HAUS6: variants seen among roughly 807,000 people sequenced by gnomAD.
HAUS6 encodes the protein HAUS augmin like complex subunit 6.
In HAUS6, 80 loss-of-function variants were observed where a neutral mutation model predicts 106.8. That is an observed-to-expected ratio of 0.75 (90% CI 0.63 to 0.90). The LOEUF is 0.90. Ranked by LOEUF, HAUS6 falls within the 40% of genes least tolerant of loss-of-function variation. The pLI is 0.00. For synonymous variants in HAUS6, 356 were observed against 379.1 expected (o/e 0.94, Z 0.71); for missense variants, 1,155 against 1,118.1 (o/e 1.03, Z -0.47).
Position 19,102,731 on chromosome 9 carries a change from C to G in HAUS6, c.-80G>C. ...GGAGGGCCCTCAAGATCCCTCCCTACGGTCAGCCTGAGGTCGCGGTGGTCC... is the reference window on the plus strand; with the variant it reads ...GGAGGGCCCTCAAGATCCCTCCCTAGGGTCAGCCTGAGGTCGCGGTGGTCC... On this transcript the variant is annotated 5_prime_UTR_variant, in exon 1 of 17. Coordinates refer to ENST00000380502, the MANE Select transcript of HAUS6 (RefSeq NM_017645.5). 3 of 1,438,854 alleles carry G rather than the reference C, an allele frequency of 2.1e-6. No homozygotes were observed. Among genetic ancestry groups the G allele is most frequent in the Non-Finnish European group, 2.8e-6 (3 of 1,057,760 alleles). 89.1% of individuals were successfully genotyped at this position (1,438,854 alleles called of 1,614,324 possible).
At chr9:19,070,474 AAAGT>A (rs1439585848) in intron 11 of HAUS6, among the ~76,000 whole-genome samples, 174 bp from the exon 12 acceptor site, 3 of 152,246 alleles carry the variant, frequency 2.0e-5, no homozygotes, top group Admixed American at 1.3e-4. Context: ...GATGAGCAGA[AAAGT>A]AATAGAGAAC....
At chr9:19,092,700 G>C (rs769450053) in intron 4 of HAUS6, among the ~76,000 whole-genome samples, 1 of 149,532 alleles carries the variant, frequency 6.7e-6, no homozygotes, top group South Asian at 2.1e-4. Flanking sequence ...CAGGTGGGCA[G>C]ATAATCTGAG....
chr9:19,092,381 C>G (rs542051385), intron 4 of HAUS6, among the ~76,000 whole-genome samples: 1 of 151,606 alleles, frequency 6.6e-6, no homozygotes, highest in Admixed American at 6.6e-5. Flanking sequence ...TTTGGGAGGC[C>G]GAGGCAGGCG....
intron 12 of HAUS6, among the ~76,000 whole-genome samples, chr9:19,067,596 T>G (rs185453231): frequency 6.6e-6 from 1 of 152,338 alleles, no homozygotes; most frequent in African/African-American, 2.4e-5. Context: ...TTTCCTATAT[T>G]AAGAGTTTCC....
chr9:19,071,158 A>T (rs1288376544), intron 11 of HAUS6, among the ~76,000 whole-genome samples: 3 of 152,228 alleles, frequency 2.0e-5, no homozygotes, highest in Admixed American at 1.3e-4. Flanking sequence ...TACAGAAAAG[A>T]AGTAAGGATT....
rs149871558 is a variant in HAUS6 at position 19,089,425 on chromosome 9, G to T, written c.571C>A (p.Gln191Lys). ...GGTACTACTTACTGTGCATTTTCCT[G>T]ATATTTTTGGGTAACACAATCTTGT... is the stretch of plus-strand genomic sequence containing the variant. ...QRQDCVTQKYQENAQLSVKQV... is the reference protein window; with the variant it reads ...QRQDCVTQKYKENAQLSVKQV... The change falls in exon 5 of 17, where the codon CAG becomes AAG. Residue 191 changes from glutamine (Q) to lysine (K), a missense_variant. By Grantham distance (53) the Gln-to-Lys change is moderately conservative. This residue lies in a region of HAUS6 where 761 missense variants were observed against 690.0 expected (regional missense o/e 1.10). Coordinates refer to ENST00000380502, the MANE Select transcript of HAUS6 (RefSeq NM_017645.5). 2.5e-6 allele frequency: 4 copies of T among 1,607,464 alleles called. No individual in the cohort carries two copies. The African/African-American group carries it at 5.3e-5, about 21-fold the overall frequency.
At chr9:19,070,179 T>G (rs1330178639) in intron 12 of HAUS6, 40 bp downstream of exon 12, 1 of 1,097,814 alleles carries the variant, frequency 9.1e-7, no homozygotes, top group African/African-American at 1.6e-5. Flanking sequence ...AAAATAAGAG[T>G]TTTTTAATGT....
At chr9:19,091,986 T>C (rs1233383841) in intron 4 of HAUS6, among the ~76,000 whole-genome samples, 2 of 152,020 alleles carry the variant, frequency 1.3e-5, no homozygotes, top group Admixed American at 6.6e-5. Context: ...TTTTTTTAAG[T>C]ACAAATTGCT....
At chr9:19,060,292 A>T in intron 14 of HAUS6, 69 bp from the exon 15 acceptor site, 1 of 1,208,796 alleles carries the variant, frequency 8.3e-7, no homozygotes, top group South Asian at 1.7e-5. Flanking sequence ...AAAACCCCTG[A>T]TAAGGATAAT....
chr9:19,077,350 C>A (rs968141539), intron 10 of HAUS6, among the ~76,000 whole-genome samples: 1 of 152,004 alleles, frequency 6.6e-6, no homozygotes, highest in African/African-American at 2.4e-5. Context: ...GCCTGGCCAA[C>A]GTGGTAAAAC....
intron 14 of HAUS6, among the ~76,000 whole-genome samples, chr9:19,062,559 A>T (rs573812048): frequency 6.6e-6 from 1 of 152,226 alleles, no homozygotes; most frequent in Non-Finnish European, 1.5e-5. Flanking sequence ...TGCTTTAACC[A>T]TAATTTTTAT....
intron 13 of HAUS6, 104 bp downstream of exon 13, chr9:19,063,410 A>C (rs1054519055): frequency 2.9e-6 from 2 of 678,530 alleles, no homozygotes; most frequent in African/African-American, 1.8e-5. Flanking sequence ...ATAGTAGAAA[A>C]TGTGAAATTA....
At position 19,100,903 on chromosome 9, in the gene HAUS6, G is replaced by A. The variant is rs535010363; in HGVS notation, c.128+1621C>T. Reference sequence around the variant, plus strand: ...AAAAAGTGGACCTCATGGAGGTAGGGAGTAGAATGGTGGTTAACACAGTCT... The same window carrying A: ...AAAAAGTGGACCTCATGGAGGTAGGAAGTAGAATGGTGGTTAACACAGTCT... On this transcript the variant is annotated intron_variant, in intron 1 of 16. Transcript: ENST00000380502. Among the ~76,000 whole-genome samples the A allele has an allele frequency of 2.0e-5, 3 of 152,294 alleles. No homozygotes were observed. The South Asian group carries it at 6.2e-4, about 32-fold the overall frequency.
intron 9 of HAUS6, among the ~76,000 whole-genome samples, chr9:19,079,673 C>T (rs982063966): frequency 6.6e-6 from 1 of 152,140 alleles, no homozygotes; most frequent in Non-Finnish European, 1.5e-5. Context: ...AAGGCTGAGG[C>T]AGGCGGATCA....
chr9:19,077,095 C>T (rs72696470), intron 10 of HAUS6, among the ~76,000 whole-genome samples: 5,288 of 152,246 alleles, frequency 0.035, 116 homozygotes, highest in Non-Finnish European at 0.051. Context: ...CCTCCTGCCT[C>T]TGCCTCCCAA....
At chr9:19,077,962 G>A (rs1024040019) in intron 10 of HAUS6, among the ~76,000 whole-genome samples, 1 of 152,108 alleles carries the variant, frequency 6.6e-6, no homozygotes, top group African/African-American at 2.4e-5. Context: ...TCAGAAGGCT[G>A]AGGTGGGAGG....
rs1588588347 is a variant in HAUS6 at position 19,054,123 on chromosome 9, T to C, written c.*2220A>G. 1 of 152,102 alleles carries C rather than the reference T, an allele frequency of 6.6e-6. No homozygotes were observed. The highest frequency in any genetic ancestry group is 2.1e-4 in the South Asian group (1 of 4,828). 9.4% of individuals were successfully genotyped at this position (152,102 alleles called of 1,614,324 possible). On this transcript the variant is annotated 3_prime_UTR_variant, in exon 17 of 17. Coordinates refer to ENST00000380502, the MANE Select transcript of HAUS6 (RefSeq NM_017645.5). ...AAAGAGAGCTGTAATTGTGGTAAAC[T>C]AGTAGAGGAAAGCAAGGTATTCCTG... is the stretch of plus-strand genomic sequence containing the variant.
At chr9:19,084,857 C>A (rs1455125081) in intron 7 of HAUS6, among the ~76,000 whole-genome samples, 2 of 152,058 alleles carry the variant, frequency 1.3e-5, no homozygotes, top group African/African-American at 4.8e-5. Flanking sequence ...GCCTCAAACT[C>A]CTGGCCTCAA....
chr9:19,068,974 C>G (rs995702829), intron 12 of HAUS6, among the ~76,000 whole-genome samples: 1 of 151,988 alleles, frequency 6.6e-6, no homozygotes, highest in African/African-American at 2.4e-5. Flanking sequence ...TATAGTAAAT[C>G]AGAAGTTGTC....
Sources: allele counts gnomAD v4.1 joint callset (sites outside exome capture counted in the v4.1 genomes callset), GRCh38; gene constraint gnomAD v4.1.1; regional missense constraint gnomAD v4.1.1; transcripts MANE v1.5; gene names NCBI Gene and HGNC (gene_info 2026-07-23, HGNC 2026-07-21).